ASMT: variants seen among roughly 807,000 people sequenced by gnomAD.
The protein encoded by ASMT is acetylserotonin O-methyltransferase, also known as acetylserotonin N-methyltransferase.
ASMT carries 53 observed loss-of-function variants against 41.3 expected under a neutral mutation model. The ratio of observed to expected loss-of-function variants is 1.28; its 90% CI spans 1.03 to 1.61. The LOEUF is 1.61. Among genes scored for constraint, ASMT ranks in the 40% most tolerant of loss-of-function variants. ASMT has a pLI of 0.00. For missense variants in ASMT, 531 were observed against 441.3 expected (o/e 1.20, Z -1.82); for synonymous variants, 231 against 184.8 (o/e 1.25, Z -2.03).
intron 3 of ASMT, among the ~76,000 whole-genome samples, chrX:1,626,944 G>A (rs1301835012): frequency 3.3e-5 from 5 of 151,526 alleles, no homozygotes; most frequent in African/African-American, 9.7e-5. Context: ...CAGGAGAATC[G>A]CTTGAACCGA....
intron 5 of ASMT, among the ~76,000 whole-genome samples, chrX:1,630,983 TC>T: frequency 6.8e-6 from 1 of 147,446 alleles, no homozygotes; most frequent in South Asian, 2.2e-4. Context: ...CAATCTCCAC[TC>T]ACTGCAAGCT....
At chrX:1,621,984 C>T (rs753664313) in intron 1 of ASMT, among the ~76,000 whole-genome samples, 133 of 150,748 alleles carry the variant, frequency 8.8e-4, no homozygotes, top group African/African-American at 3.0e-3. Flanking sequence ...CGTGAGCCAC[C>T]GCACCCGGCC....
chrX:1,624,156 A>C lies in ASMT; in HGVS notation c.245-113A>C, dbSNP rs747101203. On this transcript the variant is annotated intron_variant, in intron 2 of 8. Transcript: ENST00000381241. The stretch of plus-strand genomic sequence containing the variant: ...AAGAGGAAGACCCCATCTCTAAAGA[A>C]GAGATGGGCTTGTAATCATGTTGAA... 4.3e-6 allele frequency: 6 copies of C among 1,406,502 alleles called. No individual in the cohort carries two copies. In the African/African-American group the frequency reaches 8.4e-5, roughly 20 times the overall value. 87.1% of individuals were successfully genotyped at this position (1,406,502 alleles called of 1,614,324 possible).
At chrX:1,627,576 G>T in intron 3 of ASMT, 127 bp from the exon 4 acceptor site, 1 of 971,822 alleles carries the variant, frequency 1.0e-6, no homozygotes, top group Non-Finnish European at 1.7e-6. Context: ...AGCCGAGATC[G>T]TGCCATTGCA....
chrX:1,630,300 A>ATTTTTTTT (rs36011956), intron 5 of ASMT, among the ~76,000 whole-genome samples: 3 of 71,096 alleles, frequency 4.2e-5, no homozygotes, highest in Non-Finnish European at 7.8e-5. Context: ...CACCAGGCTA[A>ATTTTTTTT]TTTTTTTTTT....
At chrX:1,630,663 C>T (rs1265992495) in intron 5 of ASMT, among the ~76,000 whole-genome samples, 3 of 150,694 alleles carry the variant, frequency 2.0e-5, no homozygotes, top group South Asian at 2.1e-4. Flanking sequence ...CTCAAGTGGT[C>T]CTCCCACCTC....
At chrX:1,630,643 G>A (rs1159368615) in intron 5 of ASMT, among the ~76,000 whole-genome samples, 1 of 151,764 alleles carries the variant, frequency 6.6e-6, no homozygotes, top group Non-Finnish European at 1.5e-5. Flanking sequence ...TGCAGCCTCA[G>A]ACTCTCAGGC....
chrX:1,623,540 A>G (rs1290649396), intron 2 of ASMT, among the ~76,000 whole-genome samples: 1 of 152,134 alleles, frequency 6.6e-6, no homozygotes, highest in Non-Finnish European at 1.5e-5. Flanking sequence ...CAGAGGTTGC[A>G]GTGAGCCGAG....
At chrX:1,633,359 G>T in intron 7 of ASMT, 69 bp downstream of exon 7, 1 of 1,599,510 alleles carries the variant, frequency 6.3e-7, no homozygotes, top group Non-Finnish European at 8.6e-7. Context: ...GATGTTTCTG[G>T]GAAATGAAGA....
At chrX:1,627,074 C>T (rs2149465573) in intron 3 of ASMT, among the ~76,000 whole-genome samples, 1 of 148,124 alleles carries the variant, frequency 6.8e-6, no homozygotes, top group South Asian at 2.1e-4. Flanking sequence ...CCTGTAATCC[C>T]AGCACTTTGG....
chrX:1,623,321 C>G lies in ASMT; in HGVS notation c.244+8C>G. The G allele has an allele frequency of 6.2e-7, 1 of 1,613,910 alleles. No homozygotes were observed. Among genetic ancestry groups the G allele is most frequent in the Non-Finnish European group, 8.5e-7 (1 of 1,179,848 alleles). On this transcript the variant is annotated splice_region_variant and intron_variant, in intron 2 of 8. Transcript: ENST00000381241. The stretch of plus-strand genomic sequence containing the variant: ...AGACGAGGGGAGGAAAAGGTGAGGA[C>G]ACGGGCGTTTTGAAGGAGGCATTTT...
chrX:1,616,196 T>C (rs1456419164), intron 1 of ASMT, among the ~76,000 whole-genome samples: 1 of 72,776 alleles, frequency 1.4e-5, no homozygotes. Flanking sequence ...GCCCGGCTAA[T>C]TTTTGTATTT....
Position 1,636,477 on chromosome X carries a change from A to G in ASMT, c.827A>G (p.Tyr276Cys). Reference protein sequence around the residue: ...FKDPLPEADLYILARVLHDWA... With the variant: ...FKDPLPEADLCILARVLHDWA... ...GACCCTCTTCCGGAAGCTGATCTGT[A>G]CATCCTGGCCAGGGTCCTCCATGAC... The change falls in exon 8 of 9, where the codon TAC becomes TGC. Residue 276 changes from tyrosine to cysteine, a missense_variant. By Grantham distance (194) the Tyr-to-Cys change is radical. Coordinates refer to ENST00000381241, the MANE Select transcript of ASMT (RefSeq NM_001171038.2). 2 of 1,613,850 alleles carry G rather than the reference A, an allele frequency of 1.2e-6. No homozygotes were observed. Among genetic ancestry groups the G allele is most frequent in the Non-Finnish European group, 1.7e-6 (2 of 1,179,858 alleles).
intron 1 of ASMT, among the ~76,000 whole-genome samples, chrX:1,616,869 C>A (rs777298192): frequency 6.6e-6 from 1 of 151,726 alleles, no homozygotes; most frequent in Non-Finnish European, 1.5e-5. Flanking sequence ...CCACCACGCC[C>A]GGCTAATTTT....
At chrX:1,632,448 G>C (rs1373264947) in intron 5 of ASMT, among the ~76,000 whole-genome samples, 1 of 152,124 alleles carries the variant, frequency 6.6e-6, no homozygotes, top group African/African-American at 2.4e-5. Flanking sequence ...TCAGGAGATC[G>C]AGACCATCCT....
At chrX:1,630,914 T>G (rs1466942638) in intron 5 of ASMT, among the ~76,000 whole-genome samples, 2 of 141,086 alleles carry the variant, frequency 1.4e-5, no homozygotes, top group African/African-American at 5.8e-5. Context: ...TATTTATTTA[T>G]TTATTTTTTT....
In ASMT at chrX:1,633,331, G is replaced by T. The variant is rs1439629056; in HGVS notation, c.787+41G>T. 1.9e-6 allele frequency: 3 copies of T among 1,613,254 alleles called. No individual in the cohort carries two copies. The African/African-American group carries it at 4.0e-5, about 22-fold the overall frequency. On this transcript the variant is annotated intron_variant, in intron 7 of 8. Transcript: ENST00000381241. ...TGGGGAAGCAGAGATGTGTCTCACG[G>T]CTTCTCCAGGGGGACTGGATGTTTC...
chrX:1,625,507 A>G (rs1934499041), intron 3 of ASMT, among the ~76,000 whole-genome samples: 1 of 117,426 alleles, frequency 8.5e-6, no homozygotes, highest in South Asian at 3.4e-4. Flanking sequence ...AAAGAAGGAA[A>G]CAGAAAGAGA....
rs781096376 is a variant in ASMT at position 1,624,312 on chromosome X, G to A, written c.288G>A (p.Thr96=). 4.3e-6 allele frequency: 7 copies of A among 1,613,834 alleles called. No homozygotes were observed. Among genetic ancestry groups the A allele is most frequent in the African/African-American group, 4.0e-5 (3 of 74,918 alleles). ...AGCTGTCCAGCGACTACCTGACCAC[G>A]GTCAGCCCGACGTCACAATGCAGCA... The part of the protein sequence containing the change: ...NTELSSDYLT[T]VSPTSQCSML... The change falls in exon 3 of 9, where the codon ACG becomes ACA. Residue 96 remains threonine (T), a synonymous_variant. Transcript: ENST00000381241.
Sources: gnomAD v4.1 joint callset for allele counts (sites outside exome capture counted in the v4.1 genomes callset) on GRCh38, gnomAD v4.1.1 for gene constraint, MANE v1.5 for transcripts, NCBI Gene and HGNC (gene_info 2026-07-23, HGNC 2026-07-21) for gene names.